Variants in TCF4 observed in about 807,000 individuals in gnomAD.
TCF4 encodes the protein transcription factor 4, also known as SL3-3 enhancer factor 2.
TCF4 carries 3 observed loss-of-function variants against 82.1 expected under a neutral mutation model. The observed-to-expected ratio is 0.04, with a 90% CI of 0.02 to 0.09. The LOEUF (loss-of-function observed/expected upper bound fraction) is 0.09, where lower values mean the gene tolerates loss of function less well. Among genes scored for constraint, TCF4 ranks in the 10% least tolerant of loss-of-function variants. The pLI, the probability that TCF4 is intolerant of heterozygous loss-of-function variation, is 1.00. For missense variants in TCF4, 518 were observed against 852.7 expected (o/e 0.61, Z 4.89); for synonymous variants, 276 against 309.6 (o/e 0.89, Z 1.14).
chr18:55,534,999 A>G (rs1347160048), intron 3 of TCF4, among the ~76,000 whole-genome samples: 2 of 152,218 alleles, frequency 1.3e-5, no homozygotes, highest in Non-Finnish European at 2.9e-5. Flanking sequence ...AATTCTTGTC[A>G]TCATCATTTA....
intron 3 of TCF4, among the ~76,000 whole-genome samples, chr18:55,535,994 A>G (rs1194151740): frequency 6.6e-6 from 1 of 152,210 alleles, no homozygotes; most frequent in Non-Finnish European, 1.5e-5. Context: ...GTGTTTCCAC[A>G]TTCTCAATCT....
rs1318707232 is a variant in TCF4 at position 55,225,573 on chromosome 18, T to C, written c.*2462A>G. 6.6e-6 allele frequency: 1 copy of C among 152,570 alleles called. No individual in the cohort carries two copies. Among genetic ancestry groups the C allele is most frequent in the Non-Finnish European group, 1.5e-5 (1 of 68,010 alleles). The allele number at this position is 152,570 out of a possible 1,614,324, so 9.5% of individuals were successfully genotyped here. ...CCTAGGGATACCCGCCTTGGTAGAC[T>C]ATACAAAATGAGTGCAGAATGTACC... On this transcript the variant is annotated 3_prime_UTR_variant, in exon 20 of 20. Coordinates refer to ENST00000354452, the MANE Select transcript of TCF4 (RefSeq NM_001083962.2).
intron 6 of TCF4, among the ~76,000 whole-genome samples, chr18:55,355,332 C>T (rs904424134): frequency 2.0e-5 from 3 of 152,144 alleles, no homozygotes; most frequent in Non-Finnish European, 4.4e-5. Context: ...TTCTACATAG[C>T]TAATTCTGCA....
At chr18:55,321,979 A>G in intron 8 of TCF4, 1 of 1,294,514 alleles carries the variant, frequency 7.7e-7, no homozygotes, top group South Asian at 2.7e-5. Context: ...GGAGCTCGAA[A>G]TCCTAATGCA....
At chr18:55,472,962 G>A (rs1378875152) in intron 3 of TCF4, among the ~76,000 whole-genome samples, 1 of 152,076 alleles carries the variant, frequency 6.6e-6, no homozygotes, top group Non-Finnish European at 1.5e-5. Flanking sequence ...TTAAGAATAT[G>A]CTTCATTTCC....
chr18:55,482,032 T>C (rs921717456), intron 3 of TCF4: 3 of 152,144 alleles, frequency 2.0e-5, no homozygotes, highest in Non-Finnish European at 4.4e-5. Flanking sequence ...AGCATCAGGA[T>C]TGGAGAAGGG....
chr18:55,502,003 G>C (rs1376760644), intron 3 of TCF4, among the ~76,000 whole-genome samples: 1 of 152,190 alleles, frequency 6.6e-6, no homozygotes, highest in Non-Finnish European at 1.5e-5. Context: ...ACAATGGAAG[G>C]AGAATATTTG....
chr18:55,322,428 A>G (rs1176581716), intron 8 of TCF4: 7 of 875,956 alleles, frequency 8.0e-6, no homozygotes, highest in African/African-American at 3.7e-5. Flanking sequence ...GAGGGAAGAA[A>G]AAAAAAAAAA....
At position 55,546,146 on chromosome 18, in the gene TCF4, C is replaced by G. The variant is rs572724516; in HGVS notation, c.145+39134G>C. Among the ~76,000 whole-genome samples the G allele has an allele frequency of 1.6e-4, 25 of 152,016 alleles. 1 individual carries two copies. The South Asian group carries it at 4.4e-3, about 27-fold the overall frequency. On this transcript the variant is annotated intron_variant, in intron 3 of 19. Transcript: ENST00000354452. ...AGCCCAGGAGTAAGAGACCAGCCTC[C>G]GTAACAAAGTGAGACCTCGTCTCCA... is the stretch of plus-strand genomic sequence containing the variant.
intron 3 of TCF4, among the ~76,000 whole-genome samples, chr18:55,574,396 CT>C (rs1312680416): frequency 1.3e-5 from 2 of 152,172 alleles, no homozygotes; most frequent in Non-Finnish European, 2.9e-5. Context: ...GCAATTTCAG[CT>C]CACCACAAAC....
At chr18:55,598,774 G>C (rs2097693794) in intron 2 of TCF4, among the ~76,000 whole-genome samples, 3 of 152,182 alleles carry the variant, frequency 2.0e-5, no homozygotes, top group Non-Finnish European at 4.4e-5. Flanking sequence ...AAATGATAAA[G>C]GGCTTGCAAA....
At chr18:55,386,135 G>A (rs2092584967) in intron 6 of TCF4, among the ~76,000 whole-genome samples, 1 of 152,102 alleles carries the variant, frequency 6.6e-6, no homozygotes, top group African/African-American at 2.4e-5. Flanking sequence ...CGCCTCCCAG[G>A]TACCTCCAGA....
intron 3 of TCF4, among the ~76,000 whole-genome samples, chr18:55,469,293 A>G (rs1342890202): frequency 6.6e-6 from 1 of 151,996 alleles, no homozygotes; most frequent in Non-Finnish European, 1.5e-5. Context: ...GTGAGACCCC[A>G]TCTCTACTGA....
chr18:55,414,913 A>G (rs544016949), intron 5 of TCF4, among the ~76,000 whole-genome samples: 1 of 152,368 alleles, frequency 6.6e-6, no homozygotes, highest in Admixed American at 6.5e-5. Flanking sequence ...ATGCTTTTAT[A>G]AAGTATTATG....
intron 1 of TCF4, chr18:55,635,635 C>T: frequency 1.3e-6 from 2 of 1,497,728 alleles, no homozygotes; most frequent in South Asian, 2.7e-5. Flanking sequence ...GCCATGGTGG[C>T]CATGGGAGAT....
At chr18:55,615,683 G>T (rs548020321) in intron 2 of TCF4, among the ~76,000 whole-genome samples, 2 of 152,058 alleles carry the variant, frequency 1.3e-5, no homozygotes, top group Non-Finnish European at 2.9e-5. Context: ...TTATCAGATT[G>T]TGGAAGTCTT....
At chr18:55,446,165 T>C (rs2095521463) in intron 5 of TCF4, among the ~76,000 whole-genome samples, 1 of 152,038 alleles carries the variant, frequency 6.6e-6, no homozygotes, top group South Asian at 2.1e-4. Context: ...TAATGTGCTG[T>C]GTGAGGCTCA....
At chr18:55,438,273 C>T (rs1268933153) in intron 5 of TCF4, among the ~76,000 whole-genome samples, 1 of 151,828 alleles carries the variant, frequency 6.6e-6, no homozygotes, top group Non-Finnish European at 1.5e-5. Context: ...TCTGCTCAGC[C>T]CCTCACTCTC....
chr18:55,537,096 T>A (rs1013811353), intron 3 of TCF4, among the ~76,000 whole-genome samples: 3 of 140,902 alleles, frequency 2.1e-5, no homozygotes, highest in Non-Finnish European at 4.5e-5. Context: ...ATCACACCAC[T>A]GCACTCCAGC....
Sources: allele counts gnomAD v4.1 joint callset (sites outside exome capture counted in the v4.1 genomes callset), GRCh38; gene constraint gnomAD v4.1.1; transcripts MANE v1.5; gene names NCBI Gene and HGNC (gene_info 2026-07-23, HGNC 2026-07-21).